Variants in NAF1 observed in about 807,000 individuals in gnomAD.
NAF1 encodes nuclear assembly factor 1 ribonucleoprotein.
A neutral mutation model predicts 40.6 loss-of-function variants in NAF1; 11 were observed. That is an observed-to-expected ratio of 0.27 (90% CI 0.17 to 0.45). The LOEUF (loss-of-function observed/expected upper bound fraction) is 0.45, where lower values mean the gene tolerates loss of function less well. Ranked by LOEUF, NAF1 falls within the 20% of genes least tolerant of loss-of-function variation. The pLI is 1.00. For synonymous variants in NAF1, 260 were observed against 228.5 expected (o/e 1.14, Z -1.24); for missense variants, 607 against 611.1 (o/e 0.99, Z 0.07).
chr4:163,148,002 T>A (rs1331188060), intron 3 of NAF1, among the ~76,000 whole-genome samples: 1 of 152,120 alleles, frequency 6.6e-6, no homozygotes, highest in East Asian at 1.9e-4. Flanking sequence ...TTAAGCCCAC[T>A]GAGACCCACA....
intron 7 of NAF1, among the ~76,000 whole-genome samples, chr4:163,132,480 G>A (rs902683501): frequency 6.6e-6 from 1 of 152,198 alleles, no homozygotes; most frequent in Non-Finnish European, 1.5e-5. Context: ...TCGTACTACA[G>A]TGTATAACTT....
intron 4 of NAF1, among the ~76,000 whole-genome samples, chr4:163,141,626 TACA>T (rs919413262): frequency 5.3e-5 from 8 of 152,218 alleles, no homozygotes; most frequent in African/African-American, 1.7e-4. Flanking sequence ...TTCAACATAA[TACA>T]TGATGCCATG....
chr4:163,131,545 C>T (rs749925316), intron 7 of NAF1, among the ~76,000 whole-genome samples: 13 of 152,254 alleles, frequency 8.5e-5, no homozygotes, highest in East Asian at 5.8e-4. Flanking sequence ...TATCACTCCA[C>T]GCAATTTTAA....
At chr4:163,114,015 T>C (rs1730248028) in intron 2 of NAF1, among the ~76,000 whole-genome samples, 2 of 152,064 alleles carry the variant, frequency 1.3e-5, no homozygotes, top group East Asian at 1.9e-4. Context: ...CCACTACAAA[T>C]ATCATGTGAA....
chr4:163,104,438 T>C, the NAF1 span, among the ~76,000 whole-genome samples: 2 of 152,322 alleles, frequency 1.3e-5, no homozygotes, highest in African/African-American at 2.4e-5. Context: ...AAAAGATACT[T>C]TGTAAAAATG....
intron 1 of NAF1, among the ~76,000 whole-genome samples, chr4:163,164,788 T>G (rs1732383432): frequency 6.6e-6 from 1 of 152,200 alleles, no homozygotes; most frequent in Non-Finnish European, 1.5e-5. Flanking sequence ...CCAGATCGCT[T>G]AATTGCCAGA....
chr4:163,140,485 G>A lies in NAF1; in HGVS notation c.718-102C>T, dbSNP rs1731221369. Reference sequence around the variant, plus strand: ...ATCCCACTGATAATTGCCAGAACAAGGTAATTTTGTCAGTGTTAGGGCAAT... The same window carrying A: ...ATCCCACTGATAATTGCCAGAACAAAGTAATTTTGTCAGTGTTAGGGCAAT... On this transcript the variant is annotated intron_variant, in intron 4 of 7. Transcript: ENST00000274054. The A allele has an allele frequency of 1.2e-5, 12 of 1,030,110 alleles. No homozygotes were observed. The South Asian group carries it at 1.5e-4, about 13-fold the overall frequency. The allele number at this position is 1,030,110 out of a possible 1,614,324, so 63.8% of individuals were successfully genotyped here.
At chr4:163,115,960 T>C (rs893279234) in intron 2 of NAF1, among the ~76,000 whole-genome samples, 3 of 152,228 alleles carry the variant, frequency 2.0e-5, no homozygotes, top group Non-Finnish European at 4.4e-5. Flanking sequence ...CAAATTATCA[T>C]GTATACTAAT....
chr4:163,157,929 C>T lies in NAF1; in HGVS notation c.540+6288G>A, dbSNP rs375926500. On this transcript the variant is annotated intron_variant, in intron 2 of 7. Transcript: ENST00000274054. Reference sequence around the variant, plus strand: ...AAAAGGTAACATTTATAATTTACAACACTGTTGACTTTTCAAGCATTTGTG... The same window carrying T: ...AAAAGGTAACATTTATAATTTACAATACTGTTGACTTTTCAAGCATTTGTG... 2.0e-4 allele frequency among the ~76,000 whole-genome samples: 31 copies of T among 152,148 alleles called. No homozygotes were observed. The East Asian group carries it at 3.7e-3, about 18-fold the overall frequency.
chr4:163,165,444 G>A (rs1250814300), intron 1 of NAF1, among the ~76,000 whole-genome samples: 1 of 152,120 alleles, frequency 6.6e-6, no homozygotes, highest in Non-Finnish European at 1.5e-5. Context: ...AGTAAAATGA[G>A]CTCTGAAATC....
At chr4:163,114,168 C>T (rs543167692) in intron 2 of NAF1, among the ~76,000 whole-genome samples, 1 of 152,290 alleles carries the variant, frequency 6.6e-6, no homozygotes, top group South Asian at 2.1e-4. Context: ...ATTCAGGAAA[C>T]TGCATGTATC....
chr4:163,125,186 A>G (rs1730620228), downstream of NAF1, among the ~76,000 whole-genome samples: 1 of 152,174 alleles, frequency 6.6e-6, no homozygotes. Context: ...AATTAAACCA[A>G]TCACTAGCCG....
chr4:163,138,721 G>A (rs1315728876), intron 5 of NAF1, among the ~76,000 whole-genome samples: 1 of 152,024 alleles, frequency 6.6e-6, no homozygotes, highest in Non-Finnish European at 1.5e-5. Context: ...CTTCTTAATA[G>A]AAGAACTGCA....
chr4:163,112,646 T>C (rs1382659), intron 2 of NAF1, among the ~76,000 whole-genome samples: 10,161 of 152,206 alleles, frequency 0.067, 407 homozygotes, highest in Non-Finnish European at 0.09. Flanking sequence ...ATGGACTTTA[T>C]AGTTGCTGAA....
At chr4:163,163,052 T>C (rs1732290858) in intron 2 of NAF1, among the ~76,000 whole-genome samples, 1 of 152,220 alleles carries the variant, frequency 6.6e-6, no homozygotes, top group Non-Finnish European at 1.5e-5. Context: ...CTGTGGTCTT[T>C]TCTTTGTTCG....
chr4:163,147,082 A>AT (rs1560797135), intron 3 of NAF1, among the ~76,000 whole-genome samples: 1 of 152,162 alleles, frequency 6.6e-6, no homozygotes. Flanking sequence ...ATTAAATACC[A>AT]TAACTCTAAA....
At chr4:163,144,404 C>T (rs1419270308) in intron 4 of NAF1, among the ~76,000 whole-genome samples, 1 of 152,168 alleles carries the variant, frequency 6.6e-6, no homozygotes, top group East Asian at 1.9e-4. Flanking sequence ...TAGCTGATTA[C>T]TATCGTGTTA....
chr4:163,128,406 A>G (rs1342728979), downstream of NAF1, among the ~76,000 whole-genome samples: 1 of 152,108 alleles, frequency 6.6e-6, no homozygotes, highest in Non-Finnish European at 1.5e-5. Context: ...ATATCCCTCA[A>G]CTGCTTTAAA....
intron 1 of NAF1, 33 bp downstream of exon 1, chr4:163,166,330 T>G: frequency 6.5e-7 from 1 of 1,541,388 alleles, no homozygotes; most frequent in Non-Finnish European, 8.7e-7. Context: ...ACAAGACCTC[T>G]CCCCACAGCT....
Sources: gnomAD v4.1 joint callset for allele counts (sites outside exome capture counted in the v4.1 genomes callset) on GRCh38, gnomAD v4.1.1 for gene constraint, MANE v1.5 for transcripts, NCBI Gene and HGNC (gene_info 2026-07-23, HGNC 2026-07-21) for gene names.